ARHGAP26: variants seen among roughly 807,000 people sequenced by gnomAD.
ARHGAP26 encodes rho GTPase-activating protein 26.
ARHGAP26 carries 38 observed loss-of-function variants against 104.8 expected under a neutral mutation model. The observed-to-expected ratio is 0.36, with a 90% confidence interval of 0.28 to 0.48. ARHGAP26 has a LOEUF of 0.48. ARHGAP26 is among the 20% of genes least tolerant of loss of function. The pLI is 0.99. For missense variants in ARHGAP26, 704 were observed against 947.9 expected (o/e 0.74, Z 3.38); for synonymous variants, 341 against 340.0 (o/e 1.00, Z -0.03).
At chr5:143,020,312 T>TA (rs2152833273) in intron 12 of ARHGAP26, among the ~76,000 whole-genome samples, 2 of 152,286 alleles carry the variant, frequency 1.3e-5, no homozygotes, top group East Asian at 3.9e-4. Context: ...AGGACACTCA[T>TA]AACTAGAACA....
At chr5:142,971,825 CA>C (rs1772315862) in intron 11 of ARHGAP26, among the ~76,000 whole-genome samples, 2 of 152,130 alleles carry the variant, frequency 1.3e-5, no homozygotes, top group African/African-American at 4.8e-5. Context: ...CAGAGAAAGA[CA>C]AGAGGAAGCT....
chr5:143,037,089 G>C, intron 12 of ARHGAP26, 107 bp from the exon 13 acceptor site: 1 of 655,074 alleles, frequency 1.5e-6, no homozygotes, highest in South Asian at 2.7e-5. Flanking sequence ...AAACTAAAAG[G>C]ATATGTGACC....
chr5:143,201,747 C>T (rs1471187105), intron 20 of ARHGAP26, among the ~76,000 whole-genome samples: 1 of 152,212 alleles, frequency 6.6e-6, no homozygotes, highest in Non-Finnish European at 1.5e-5. Context: ...ATACAATGTA[C>T]TCTCTATTTC....
At chr5:143,130,068 G>A (rs1403634472) in intron 18 of ARHGAP26, among the ~76,000 whole-genome samples, 1 of 152,164 alleles carries the variant, frequency 6.6e-6, no homozygotes, top group Non-Finnish European at 1.5e-5. Flanking sequence ...CGTCAGTGAT[G>A]GTGAGGTCCG....
At chr5:143,069,947 C>T (rs1022446063) in intron 17 of ARHGAP26, among the ~76,000 whole-genome samples, 10 of 152,192 alleles carry the variant, frequency 6.6e-5, no homozygotes, top group Admixed American at 5.2e-4. Context: ...CTAGCACTTC[C>T]CAAAGGCCTG....
chr5:142,921,731 T>G (rs1174641763), intron 10 of ARHGAP26: 1 of 157,634 alleles, frequency 6.3e-6, no homozygotes, highest in African/African-American at 2.4e-5. Context: ...ACTAGCTGTG[T>G]GACTCTGGGT....
At chr5:142,908,090 G>T (rs901093412) in intron 9 of ARHGAP26, among the ~76,000 whole-genome samples, 1 of 152,026 alleles carries the variant, frequency 6.6e-6, no homozygotes, top group African/African-American at 2.4e-5. Flanking sequence ...ATTTTTATAT[G>T]CTGAAAATTA....
At chr5:142,916,944 G>T (rs1186159686) in intron 10 of ARHGAP26, among the ~76,000 whole-genome samples, 2 of 152,160 alleles carry the variant, frequency 1.3e-5, no homozygotes, top group Non-Finnish European at 2.9e-5. Flanking sequence ...GCAGTGTAGG[G>T]TGGTGAGGCC....
chr5:143,076,398 C>T (rs1454722557), intron 17 of ARHGAP26, among the ~76,000 whole-genome samples: 5 of 152,020 alleles, frequency 3.3e-5, no homozygotes, highest in Non-Finnish European at 7.4e-5. Context: ...GCACAGTCTC[C>T]CTCTTCTCCC....
intron 17 of ARHGAP26, among the ~76,000 whole-genome samples, chr5:143,116,900 G>A (rs1286690147): frequency 1.3e-5 from 2 of 152,106 alleles, no homozygotes; most frequent in African/African-American, 2.4e-5. Context: ...CATGCCCCTC[G>A]GGAGATCCAC....
chr5:142,826,928 C>A (rs1263606888), intron 1 of ARHGAP26, among the ~76,000 whole-genome samples: 1 of 152,110 alleles, frequency 6.6e-6, no homozygotes, highest in Non-Finnish European at 1.5e-5. Context: ...GTGACTCAGA[C>A]CTGTCATTAT....
chr5:143,114,299 G>A (rs1562451471), intron 17 of ARHGAP26, among the ~76,000 whole-genome samples: 1 of 152,162 alleles, frequency 6.6e-6, no homozygotes, highest in Non-Finnish European at 1.5e-5. Flanking sequence ...TGGCCCTGAC[G>A]GGTGTTCTCG....
At chr5:142,807,787 G>A (rs1291280462) in intron 1 of ARHGAP26, among the ~76,000 whole-genome samples, 2 of 152,150 alleles carry the variant, frequency 1.3e-5, no homozygotes, top group African/African-American at 4.8e-5. Context: ...CGTGCTGCTG[G>A]CTTCCCCCTT....
At chr5:143,141,966 G>T (rs1023475566) in intron 19 of ARHGAP26, among the ~76,000 whole-genome samples, 3 of 152,044 alleles carry the variant, frequency 2.0e-5, no homozygotes. Flanking sequence ...AGTTTTATTG[G>T]CATTTTTTCC....
At chr5:143,055,077 A>T (rs1785601524) in intron 15 of ARHGAP26, among the ~76,000 whole-genome samples, 1 of 152,060 alleles carries the variant, frequency 6.6e-6, no homozygotes, top group South Asian at 2.1e-4. Flanking sequence ...GCCTCCTTTC[A>T]TTATTAAAGG....
Position 142,824,710 on chromosome 5 carries a change from G to A in ARHGAP26, c.155-48690G>A, listed in dbSNP as rs73286423. Among the ~76,000 whole-genome samples the A allele has an allele frequency of 2.2e-3, 340 of 152,090 alleles. 1 individual carries two copies. The highest frequency in any genetic ancestry group is 6.8e-3 in the Middle Eastern group (2 of 294). The stretch of plus-strand genomic sequence containing the variant: ...AAATGGTCCCTGCAGCTGTGTCTCT[G>A]TGGGACTTAAGAACATATAGGGAAT... On this transcript the variant is annotated intron_variant, in intron 1 of 22. Transcript: ENST00000645722.
chr5:143,209,914 G>T (rs188577226), intron 21 of ARHGAP26, among the ~76,000 whole-genome samples: 80 of 152,298 alleles, frequency 5.3e-4, no homozygotes, highest in African/African-American at 1.9e-3. Context: ...GTAGTGTATA[G>T]CAAAGAGGTG....
chr5:142,808,247 A>AGG (rs1763391613), intron 1 of ARHGAP26, among the ~76,000 whole-genome samples: 1 of 133,374 alleles, frequency 7.5e-6, no homozygotes, highest in South Asian at 2.3e-4. Flanking sequence ...AAAAAAAAAA[A>AGG]AAAAAAAAAA....
intron 20 of ARHGAP26, among the ~76,000 whole-genome samples, chr5:143,183,810 G>A (rs766997053): frequency 3.4e-4 from 52 of 152,306 alleles, no homozygotes; most frequent in Admixed American, 1.6e-3. Flanking sequence ...GTGTCTCTGC[G>A]CCTGTCTCTG....
Sources: allele counts gnomAD v4.1 joint callset (sites outside exome capture counted in the v4.1 genomes callset), GRCh38; gene constraint gnomAD v4.1.1; transcripts MANE v1.5; gene names NCBI Gene and HGNC (gene_info 2026-07-23, HGNC 2026-07-21).